The following ITGA2 variants were observed in gnomAD, a reference collection of about 807,000 sequenced individuals.
ITGA2 encodes integrin subunit alpha 2.
In ITGA2, 101 loss-of-function variants were observed where a neutral mutation model predicts 146.3. The ratio of observed to expected loss-of-function variants is 0.69; its 90% CI spans 0.59 to 0.81. The LOEUF (loss-of-function observed/expected upper bound fraction) is 0.81. Among genes scored for constraint, ITGA2 ranks in the 40% least tolerant of loss-of-function variants. The pLI, the probability that ITGA2 is intolerant of heterozygous loss-of-function variation, is 0.00. For missense variants in ITGA2, 1,281 were observed against 1,402.7 expected (o/e 0.91, Z 1.39); for synonymous variants, 477 against 487.1 (o/e 0.98, Z 0.27).
At chr5:53,089,605 T>C (rs1171745778) in intron 28 of ITGA2, 4 of 240,416 alleles carry the variant, frequency 1.7e-5, no homozygotes, top group Non-Finnish European at 3.3e-5. Flanking sequence ...TTGCTTTCAC[T>C]TGATGATGCT....
intron 13 of ITGA2, among the ~76,000 whole-genome samples, chr5:53,063,880 T>G (rs1425831164): frequency 6.6e-6 from 1 of 151,914 alleles, no homozygotes; most frequent in Non-Finnish European, 1.5e-5. Context: ...TATACTGAAT[T>G]ATCATTAATT....
chr5:53,036,626 C>T (rs1306393813), intron 2 of ITGA2, among the ~76,000 whole-genome samples: 1 of 152,136 alleles, frequency 6.6e-6, no homozygotes, highest in Admixed American at 6.6e-5. Flanking sequence ...TGCTCTCCAC[C>T]CCACACTCCT....
intron 13 of ITGA2, among the ~76,000 whole-genome samples, chr5:53,063,357 T>G (rs977647758): frequency 6.6e-6 from 1 of 151,910 alleles, no homozygotes; most frequent in Non-Finnish European, 1.5e-5. Context: ...CTTTGTAAAT[T>G]CCTTGTGATC....
chr5:53,053,563 T>A (rs1478834750), intron 7 of ITGA2, among the ~76,000 whole-genome samples: 1 of 152,128 alleles, frequency 6.6e-6, no homozygotes, highest in Non-Finnish European at 1.5e-5. Flanking sequence ...CGAGCTTTGT[T>A]CTCCAGGACA....
Position 53,092,224 on chromosome 5 carries a change from T to C in ITGA2, c.*1625T>C, listed in dbSNP as rs1322174481. 1 of 152,238 alleles carries C rather than the reference T, an allele frequency of 6.6e-6. No individual in the cohort carries two copies. The highest frequency in any genetic ancestry group is 1.5e-5 in the Non-Finnish European group (1 of 68,046). The allele number at this position is 152,238 out of a possible 1,614,324, so 9.4% of individuals were successfully genotyped here. A position where few individuals can be genotyped will look rare whatever the true frequency, so the allele number is the denominator to read the frequency against. ...AAGCTTTGGACAAGTCCTTGACCTC[T>C]ATAAACTTCAGAGTCCTCATTATAA... is the stretch of plus-strand genomic sequence containing the variant. On this transcript the variant is annotated 3_prime_UTR_variant, in exon 30 of 30. Transcript: ENST00000296585.
At chr5:53,060,563 C>T (rs942732524) in intron 11 of ITGA2, among the ~76,000 whole-genome samples, 7 of 151,932 alleles carry the variant, frequency 4.6e-5, no homozygotes, top group African/African-American at 1.7e-4. Context: ...TGTGTTCTTT[C>T]TACTGTGCAA....
intron 3 of ITGA2, among the ~76,000 whole-genome samples, chr5:53,043,811 T>C (rs1005149063): frequency 3.3e-5 from 5 of 152,184 alleles, no homozygotes; most frequent in Non-Finnish European, 7.3e-5. Flanking sequence ...AAAGAGTTCT[T>C]CCTTCTCTAA....
intron 2 of ITGA2, among the ~76,000 whole-genome samples, chr5:53,029,591 C>T (rs1196572166): frequency 2.0e-5 from 3 of 152,206 alleles, no homozygotes; most frequent in African/African-American, 4.8e-5. Context: ...TAGCACTCGA[C>T]TGCTCTCTGA....
rs1299604821 is a variant in ITGA2 at position 53,073,237 on chromosome 5, T to G, written c.2549T>G (p.Phe850Cys). 1 of 1,612,474 alleles carries G rather than the reference T, an allele frequency of 6.2e-7. No homozygotes were observed. Among genetic ancestry groups the G allele is most frequent in the East Asian group, 2.2e-5 (1 of 44,800 alleles). ...GTTGTTGATTTTTCAGAAAACTTGT[T>G]TTTTGCATCATTCTCCCTGCCGGTA... The part of the protein sequence containing the change: ...GIVVDFSENL[F>C]FASFSLPVDG... The change falls in exon 20 of 30, where the codon TTT (phenylalanine) becomes TGT (cysteine). Residue 850 changes from phenylalanine (F) to cysteine (C), a missense_variant. Transcript: ENST00000296585.
intron 2 of ITGA2, among the ~76,000 whole-genome samples, chr5:53,031,688 T>C (rs899824022): frequency 2.6e-5 from 4 of 152,188 alleles, no homozygotes; most frequent in African/African-American, 7.2e-5. Context: ...TTCTGGAGCC[T>C]TTTTAACAGT....
chr5:53,014,887 G>C (rs958360798), intron 1 of ITGA2, among the ~76,000 whole-genome samples: 8 of 152,056 alleles, frequency 5.3e-5, no homozygotes, highest in African/African-American at 1.9e-4. Context: ...TGTGCATAGA[G>C]GTGTTCATAA....
intron 2 of ITGA2, among the ~76,000 whole-genome samples, chr5:53,036,431 T>A (rs942978969): frequency 6.6e-6 from 1 of 152,280 alleles, no homozygotes; most frequent in East Asian, 1.9e-4. Context: ...AGGACTACCA[T>A]CTCCTTCCAC....
At chr5:52,992,121 A>T (rs1306070923) in intron 1 of ITGA2, among the ~76,000 whole-genome samples, 1 of 152,060 alleles carries the variant, frequency 6.6e-6, no homozygotes, top group Non-Finnish European at 1.5e-5. Flanking sequence ...GTCTGTAAAT[A>T]TTCTAATTTT....
intron 8 of ITGA2, 106 bp downstream of exon 8, chr5:53,055,794 A>G: frequency 7.1e-7 from 1 of 1,400,776 alleles, no homozygotes; most frequent in Non-Finnish European, 1.0e-6. Context: ...ATAGTTGAAT[A>G]TAAAAGAAAG....
intron 2 of ITGA2, among the ~76,000 whole-genome samples, chr5:53,032,231 T>G (rs1011320487): frequency 4.6e-5 from 7 of 152,212 alleles, no homozygotes; most frequent in Non-Finnish European, 7.3e-5. Context: ...GAGAAAAACT[T>G]TAATAAAGCT....
At chr5:53,008,052 G>C (rs552170205) in intron 1 of ITGA2, among the ~76,000 whole-genome samples, 7 of 151,920 alleles carry the variant, frequency 4.6e-5, no homozygotes, top group Non-Finnish European at 7.4e-5. Flanking sequence ...GGAATTTTCT[G>C]GTGTAATATA....
At chr5:53,034,313 A>G (rs1743380393) in intron 2 of ITGA2, among the ~76,000 whole-genome samples, 1 of 151,974 alleles carries the variant, frequency 6.6e-6, no homozygotes, top group Admixed American at 6.6e-5. Flanking sequence ...GGCATGTCTC[A>G]TCTCAACAAT....
rs1349301771 is a variant in ITGA2, at chr5:53,083,445, T to C, written c.3250T>C (p.Phe1084Leu). The C allele has an allele frequency of 5.1e-6, 8 of 1,563,590 alleles. No individual in the cohort carries two copies. Among genetic ancestry groups the C allele is most frequent in the Non-Finnish European group, 7.1e-6 (8 of 1,134,014 alleles). ...GACTACCAGAATTTGGAACGGGACTTTCGCATCAGTAAGTATCAGTTTTAT... is the reference window on the plus strand; with the variant it reads ...GACTACCAGAATTTGGAACGGGACTCTCGCATCAGTAAGTATCAGTTTTAT... Reference protein sequence around the residue: ...NVTTRIWNGTFASSTFQTVQL... With the variant: ...NVTTRIWNGTLASSTFQTVQL... The change falls in exon 27 of 30, where the codon TTC (phenylalanine) becomes CTC (leucine). Residue 1084 changes from phenylalanine to leucine, a missense_variant. Around this residue, in one of 3 missense-constraint regions of ITGA2, gnomAD observed 475 missense variants for 530.5 expected, o/e 0.90. Coordinates refer to ENST00000296585, the MANE Select transcript of ITGA2 (RefSeq NM_002203.4).
chr5:53,072,467 T>A, intron 18 of ITGA2, 146 bp from the exon 19 acceptor site: 1 of 672,146 alleles, frequency 1.5e-6, no homozygotes, highest in Non-Finnish European at 2.6e-6. Context: ...ATGCTTTTCT[T>A]TATTATTTTG....
Sources: gnomAD v4.1 joint callset for allele counts (sites outside exome capture counted in the v4.1 genomes callset) on GRCh38, gnomAD v4.1.1 for gene constraint, gnomAD v4.1.1 regional missense constraint, MANE v1.5 for transcripts, NCBI Gene and HGNC (gene_info 2026-07-23, HGNC 2026-07-21) for gene names.